The following SHANK2 variants were observed in gnomAD, a reference collection of about 807,000 sequenced individuals.
SHANK2 encodes SH3 and multiple ankyrin repeat domains 2.
SHANK2 carries 43 observed loss-of-function variants against 133.7 expected under a neutral mutation model. That is an observed-to-expected ratio of 0.32 (90% confidence interval 0.25 to 0.41). The LOEUF (loss-of-function observed/expected upper bound fraction) is 0.41, where lower values mean the gene tolerates loss of function less well. Among genes scored for constraint, SHANK2 ranks in the 10% least tolerant of loss-of-function variants. SHANK2 has a pLI of 1.00. For missense variants in SHANK2, 1,994 were observed against 2,235.8 expected, an observed-to-expected ratio of 0.89 and a Z score of 2.18; for synonymous variants, 1,017 against 952.8, an observed-to-expected ratio of 1.07 and a Z score of -1.24.
chr11:70,949,196 G>C (rs1161123789), intron 10 of SHANK2, among the ~76,000 whole-genome samples: 1 of 152,212 alleles, frequency 6.6e-6, no homozygotes, highest in African/African-American at 2.4e-5. Flanking sequence ...AAGAGAAAAG[G>C]CTAAAATCGA....
At chr11:71,073,142 C>CTTTTT (rs1951165821) in intron 9 of SHANK2, among the ~76,000 whole-genome samples, 3 of 41,084 alleles carry the variant, frequency 7.3e-5, no homozygotes, top group East Asian at 6.7e-4. Context: ...TTTTCTTTTT[C>CTTTTT]TTTTCTTTTT....
intron 15 of SHANK2, among the ~76,000 whole-genome samples, chr11:70,690,493 T>TG (rs1555020722): frequency 2.2e-5 from 1 of 45,526 alleles, no homozygotes; most frequent in East Asian, 4.2e-4. Context: ...CCCATGTTTT[T>TG]TTTTTTTTTT....
intron 10 of SHANK2, among the ~76,000 whole-genome samples, chr11:70,905,803 GTTT>G (rs112602946): frequency 2.2e-5 from 3 of 136,708 alleles, no homozygotes; most frequent in Non-Finnish European, 3.2e-5. Flanking sequence ...CCCAGTTTAT[GTTT>G]TTTTTTTTTT....
chr11:70,792,173 A>C (rs1193496820), intron 14 of SHANK2, among the ~76,000 whole-genome samples: 1 of 152,070 alleles, frequency 6.6e-6, no homozygotes, highest in African/African-American at 2.4e-5. Flanking sequence ...TCAACCAACC[A>C]ACCAGTCAGC....
At chr11:70,906,492 G>A (rs374477002) in intron 10 of SHANK2, among the ~76,000 whole-genome samples, 26 of 152,250 alleles carry the variant, frequency 1.7e-4, no homozygotes, top group African/African-American at 6.0e-4. Flanking sequence ...CCACTCCACC[G>A]CCCCGACGAA....
At chr11:70,893,065 T>G (rs141792282) in intron 11 of SHANK2, among the ~76,000 whole-genome samples, 1 of 152,336 alleles carries the variant, frequency 6.6e-6, no homozygotes, top group Non-Finnish European at 1.5e-5. Context: ...CCACCCCAAA[T>G]GCCATGTCGC....
At chr11:71,156,362 G>T (rs1952906888) in intron 2 of SHANK2, among the ~76,000 whole-genome samples, 1 of 152,224 alleles carries the variant, frequency 6.6e-6, no homozygotes, top group African/African-American at 2.4e-5. Flanking sequence ...TCTGTTACCA[G>T]CCCTGCTGGC....
intron 15 of SHANK2, among the ~76,000 whole-genome samples, chr11:70,679,905 T>G (rs1356969646): frequency 6.6e-6 from 1 of 152,206 alleles, no homozygotes; most frequent in African/African-American, 2.4e-5. Flanking sequence ...CCAGGGTGAC[T>G]GTGGCCTTTG....
At chr11:71,168,444 A>G (rs1953234111) in intron 2 of SHANK2, among the ~76,000 whole-genome samples, 1 of 151,916 alleles carries the variant, frequency 6.6e-6, no homozygotes, top group African/African-American at 2.4e-5. Flanking sequence ...AGAGGCTGCA[A>G]TCTCGGCACC....
intron 11 of SHANK2, among the ~76,000 whole-genome samples, chr11:70,879,762 C>T (rs891113283): frequency 2.6e-5 from 4 of 152,202 alleles, no homozygotes; most frequent in Admixed American, 1.3e-4. Context: ...AGCAGGACAC[C>T]GGCGGTGGGA....
chr11:70,888,427 G>A (rs886583249), intron 11 of SHANK2, among the ~76,000 whole-genome samples: 4 of 151,642 alleles, frequency 2.6e-5, no homozygotes, highest in Non-Finnish European at 5.9e-5. Flanking sequence ...TTGCCCTCTC[G>A]CAAACACACT....
intron 10 of SHANK2, among the ~76,000 whole-genome samples, chr11:70,930,849 T>TC (rs1950494260): frequency 1.3e-5 from 2 of 150,710 alleles, no homozygotes; most frequent in South Asian, 4.2e-4. Context: ...TTTTTTTTTT[T>TC]AGAGATGGGG....
intron 10 of SHANK2, among the ~76,000 whole-genome samples, chr11:70,905,204 G>A (rs1050869779): frequency 2.6e-5 from 4 of 152,116 alleles, no homozygotes; most frequent in Non-Finnish European, 5.9e-5. Context: ...GTTGGTCCTC[G>A]CCACAGTTCT....
chr11:70,759,246 C>A (rs528616299), intron 14 of SHANK2, among the ~76,000 whole-genome samples: 2 of 151,982 alleles, frequency 1.3e-5, no homozygotes, highest in African/African-American at 2.4e-5. Context: ...GTAATCCCAG[C>A]ATTTTGGGAG....
At chr11:70,672,700 A>G (rs947113395) in intron 15 of SHANK2, among the ~76,000 whole-genome samples, 1 of 151,978 alleles carries the variant, frequency 6.6e-6, no homozygotes, top group East Asian at 1.9e-4. Flanking sequence ...GCCAGTTACT[A>G]TGTTTGAAAT....
intron 9 of SHANK2, among the ~76,000 whole-genome samples, chr11:71,063,386 C>T (rs1390332383): frequency 2.0e-5 from 3 of 152,194 alleles, no homozygotes; most frequent in African/African-American, 7.2e-5. Flanking sequence ...GGCTTAATAA[C>T]AATGATACCT....
At chr11:70,875,217 A>T (rs1949538760) in intron 11 of SHANK2, among the ~76,000 whole-genome samples, 1 of 152,200 alleles carries the variant, frequency 6.6e-6, no homozygotes, top group Admixed American at 6.5e-5. Flanking sequence ...AATTCTCTCC[A>T]GATGAAGCAA....
chr11:70,795,009 A>G (rs551644455), intron 14 of SHANK2, among the ~76,000 whole-genome samples: 1 of 152,286 alleles, frequency 6.6e-6, no homozygotes, highest in East Asian at 1.9e-4. Flanking sequence ...AGAAGGTGCT[A>G]AGTCACGATC....
At chr11:71,060,469 C>G (rs893804539) in intron 9 of SHANK2, among the ~76,000 whole-genome samples, 1 of 152,226 alleles carries the variant, frequency 6.6e-6, no homozygotes, top group Admixed American at 6.5e-5. Context: ...CAAGGGGGGA[C>G]GCCAAGCCCT....
Sources: gnomAD v4.1 joint callset for allele counts (sites outside exome capture counted in the v4.1 genomes callset) on GRCh38, gnomAD v4.1.1 for gene constraint, MANE v1.5 for transcripts, NCBI Gene and HGNC (gene_info 2026-07-23, HGNC 2026-07-21) for gene names.